Variants in RBFOX1 observed in about 807,000 individuals in gnomAD.
The protein encoded by RBFOX1 is RNA binding fox-1 homolog 1.
A neutral mutation model predicts 57.7 loss-of-function variants in RBFOX1; 8 were observed. The ratio of observed to expected loss-of-function variants is 0.14; its 90% CI spans 0.08 to 0.25. RBFOX1 has a LOEUF of 0.25. Among genes scored for constraint, RBFOX1 ranks in the 10% least tolerant of loss-of-function variants. The probability of loss-of-function intolerance (pLI) is 1.00; values close to 1 mark genes in which losing one functional copy is unlikely to be tolerated. For missense variants in RBFOX1, 611 were observed against 548.5 expected (o/e 1.11, Z -1.14); for synonymous variants, 326 against 222.4 (o/e 1.47, Z -4.15).
intron 1 of RBFOX1, among the ~76,000 whole-genome samples, chr16:5,347,935 C>G (rs2065178676): frequency 6.9e-6 from 1 of 143,894 alleles, no homozygotes. Context: ...CATCCTTCCA[C>G]TCAATCATGC....
At chr16:7,325,892 T>A (rs2096605129) in intron 4 of RBFOX1, among the ~76,000 whole-genome samples, 1 of 152,226 alleles carries the variant, frequency 6.6e-6, no homozygotes, top group African/African-American at 2.4e-5. Flanking sequence ...CTTTTCCATG[T>A]TCTCTTCTCA....
At position 5,754,101 on chromosome 16, in the gene RBFOX1, G is replaced by C. The variant is rs114843458; in HGVS notation, c.319-113202G>C. On this transcript the variant is annotated intron_variant, in intron 3 of 19. Coordinates refer to the RBFOX1 transcript ENST00000641259. ...ATGACACTTTGTGGGAATATTAGGG[G>C]CTTTTGAGGGTAATTTTAGCCATGC... Among the ~76,000 whole-genome samples the C allele has an allele frequency of 2.8e-3, 426 of 152,248 alleles. 3 individuals carry two copies. The highest frequency in any genetic ancestry group is 0.01 in the African/African-American group (416 of 41,532).
intron 4 of RBFOX1, among the ~76,000 whole-genome samples, chr16:7,243,952 C>T (rs776139021): frequency 6.8e-6 from 1 of 146,234 alleles, no homozygotes; most frequent in African/African-American, 2.6e-5. Context: ...CCTCTGAAGT[C>T]ACATACAAAA....
chr16:7,033,015 G>T (rs556808772), intron 3 of RBFOX1, among the ~76,000 whole-genome samples: 3 of 152,268 alleles, frequency 2.0e-5, no homozygotes, highest in South Asian at 4.2e-4. Context: ...AGCAAAAATA[G>T]CAGGAGCACC....
At chr16:5,426,805 T>C (rs2067574485) in intron 1 of RBFOX1, among the ~76,000 whole-genome samples, 1 of 152,172 alleles carries the variant, frequency 6.6e-6, no homozygotes, top group Admixed American at 6.5e-5. Flanking sequence ...CCATTAAATA[T>C]AACAACAGTA....
chr16:7,259,902 T>C (rs2094849456), intron 4 of RBFOX1, among the ~76,000 whole-genome samples: 1 of 152,196 alleles, frequency 6.6e-6, no homozygotes, highest in African/African-American at 2.4e-5. Context: ...TGGTAAATAA[T>C]TCTGGGATAA....
Position 7,065,404 on chromosome 16 carries a change from G to C in RBFOX1, c.27+13306G>C, listed in dbSNP as rs374672099. ...CACTCGTGTTCAGCATCATCTCCAA[G>C]CACCCTGCCTCGTTCCTCTGTCCAC... On this transcript the variant is annotated intron_variant, in intron 4 of 15. Transcript: ENST00000550418. 6.6e-5 allele frequency among the ~76,000 whole-genome samples: 10 copies of C among 152,170 alleles called. No individual in the cohort carries two copies. In the East Asian group the frequency reaches 1.2e-3, roughly 18 times the overall value.
At chr16:7,370,482 C>A (rs143810035) in intron 4 of RBFOX1, among the ~76,000 whole-genome samples, 2 of 152,158 alleles carry the variant, frequency 1.3e-5, no homozygotes, top group African/African-American at 4.8e-5. Flanking sequence ...TTTATCAACG[C>A]GGGTAAGTTC....
intron 2 of RBFOX1, among the ~76,000 whole-genome samples, chr16:5,495,686 T>C (rs998093439): frequency 2.0e-5 from 3 of 152,238 alleles, no homozygotes; most frequent in African/African-American, 7.2e-5. Context: ...ATATGCTCGT[T>C]AACATCGTAA....
At chr16:5,530,933 TAAAAAAAAAAAAAAAAAAAAAAAAAAA>T (rs59311923) in intron 2 of RBFOX1, among the ~76,000 whole-genome samples, 2 of 55,048 alleles carry the variant, frequency 3.6e-5, no homozygotes, top group African/African-American at 1.5e-4. Flanking sequence ...ACTAAAAATA[TAAAAAAAAAAAAAAAAAAAAAAAAAAA>T]AAAAAAAAAA....
At chr16:5,906,791 G>A (rs956008879) in intron 4 of RBFOX1, among the ~76,000 whole-genome samples, 2 of 136,446 alleles carry the variant, frequency 1.5e-5, no homozygotes, top group African/African-American at 5.6e-5. Flanking sequence ...CTGGAGTGCA[G>A]TGACGCTTTC....
At chr16:5,647,720 G>A (rs2049098997) in intron 3 of RBFOX1, among the ~76,000 whole-genome samples, 1 of 152,162 alleles carries the variant, frequency 6.6e-6, no homozygotes, top group African/African-American at 2.4e-5. Flanking sequence ...GCAACGCCAG[G>A]TTCAAGGCTG....
chr16:6,170,659 A>G (rs559489831), intron 1 of RBFOX1, among the ~76,000 whole-genome samples: 1 of 152,170 alleles, frequency 6.6e-6, no homozygotes, highest in Non-Finnish European at 1.5e-5. Context: ...AACCCGTGTC[A>G]CGGGGGTTTG....
rs564707570 is a variant in RBFOX1 at position 5,308,138 on chromosome 16, G to A, written c.219+68033G>A. Among the ~76,000 whole-genome samples the A allele has an allele frequency of 3.9e-5, 6 of 152,118 alleles. No individual in the cohort carries two copies. The East Asian group carries it at 1.2e-3, about 29-fold the overall frequency. ...GCGGATTACTTGAAGTCAGGAGTTC[G>A]AGACCAGCCTAGCCAGCATAGTGAA... On this transcript the variant is annotated intron_variant, in intron 1 of 2. Coordinates refer to the RBFOX1 transcript ENST00000585867.
At chr16:5,276,726 G>C (rs1367051801) in intron 1 of RBFOX1, among the ~76,000 whole-genome samples, 1 of 152,126 alleles carries the variant, frequency 6.6e-6, no homozygotes, top group Non-Finnish European at 1.5e-5. Context: ...AGGTTGCAGT[G>C]AGCTGATATA....
At chr16:6,191,442 G>T (rs1011007920) in intron 1 of RBFOX1, among the ~76,000 whole-genome samples, 14 of 152,072 alleles carry the variant, frequency 9.2e-5, no homozygotes, top group Admixed American at 6.6e-5. Context: ...GTGGTCACAT[G>T]GTACTGTGCA....
intron 4 of RBFOX1, among the ~76,000 whole-genome samples, chr16:7,054,549 G>GGGGGT (rs1412324543): frequency 1.4e-5 from 2 of 139,832 alleles, no homozygotes; most frequent in Admixed American, 7.2e-5. Flanking sequence ...CCTGGGTGGG[G>GGGGGT]GGGCATTTTT....
chr16:6,147,755 T>A (rs1392381843), intron 1 of RBFOX1, among the ~76,000 whole-genome samples: 2 of 152,202 alleles, frequency 1.3e-5, no homozygotes, highest in African/African-American at 4.8e-5. Context: ...TTTCCCAAGT[T>A]TGTAATTGGT....
intron 2 of RBFOX1, among the ~76,000 whole-genome samples, chr16:6,568,960 A>G (rs560746141): frequency 2.2e-4 from 34 of 152,186 alleles, no homozygotes; most frequent in African/African-American, 7.7e-4. Context: ...TTTAGTACAG[A>G]TGGGATTTCA....
Sources: gnomAD v4.1 joint callset for allele counts (sites outside exome capture counted in the v4.1 genomes callset) on GRCh38, gnomAD v4.1.1 for gene constraint, MANE v1.5 for transcripts, NCBI Gene and HGNC (gene_info 2026-07-23, HGNC 2026-07-21) for gene names.